GATA4: variants seen among roughly 807,000 people sequenced by gnomAD.
The protein encoded by GATA4 is transcription factor GATA-4.
Under a neutral mutation model 37.9 loss-of-function variants are expected in GATA4, and 7 were observed. That is an observed-to-expected ratio of 0.18 (90% CI 0.11 to 0.35). The LOEUF (loss-of-function observed/expected upper bound fraction) is 0.35, where lower values mean the gene tolerates loss of function less well. Ranked by LOEUF, GATA4 falls within the 10% of genes least tolerant of loss-of-function variation. GATA4 has a pLI of 1.00. For synonymous variants in GATA4, 372 were observed against 292.6 expected (o/e 1.27, Z -2.77); for missense variants, 647 against 653.0 (o/e 0.99, Z 0.10).
intron 4 of GATA4, among the ~76,000 whole-genome samples, chr8:11,753,037 C>G (rs60599286): frequency 0.028 from 4,206 of 152,192 alleles, 179 homozygotes; most frequent in African/African-American, 0.096. Context: ...ACCACATGAT[C>G]CAGCGTACCA....
chr8:11,700,112 C>A (rs940395496), upstream of GATA4, among the ~76,000 whole-genome samples: 1 of 152,188 alleles, frequency 6.6e-6, no homozygotes, highest in African/African-American at 2.4e-5. Flanking sequence ...TTCCCTTCCT[C>A]TTGCTAATGA....
intron 2 of GATA4, among the ~76,000 whole-genome samples, chr8:11,747,395 G>A (rs554013670): frequency 2.0e-5 from 3 of 152,292 alleles, no homozygotes; most frequent in Admixed American, 6.5e-5. Flanking sequence ...AGGGGTGAGC[G>A]AGTGAAGGGA....
intron 2 of GATA4, among the ~76,000 whole-genome samples, chr8:11,717,286 G>T (rs1800475630): frequency 2.6e-5 from 4 of 152,158 alleles, no homozygotes; most frequent in Non-Finnish European, 1.5e-5. Context: ...ATAAGTTTTG[G>T]CACATTCACG....
chr8:11,688,971 A>G (rs1369093888), upstream of GATA4, among the ~76,000 whole-genome samples: 1 of 152,240 alleles, frequency 6.6e-6, no homozygotes, highest in African/African-American at 2.4e-5. Flanking sequence ...CTCATGTGTT[A>G]TTCAGAAAGG....
rs547370310 is a variant in GATA4, at chr8:11,745,626, G to GA, written c.617-3282dup. On this transcript the variant is annotated intron_variant, in intron 2 of 6. Coordinates refer to ENST00000532059, the MANE Select transcript of GATA4 (RefSeq NM_001308093.3). ...TTACATCAGTGTAGTGTGGGAAAAA[G>GA]AAAAAAAAGACTCCATTCCTGCATA... is the stretch of plus-strand genomic sequence containing the variant. Among the ~76,000 whole-genome samples the GA allele has an allele frequency of 2.7e-5, 4 of 149,536 alleles. No homozygotes were observed. In the South Asian group the frequency reaches 6.7e-4, roughly 25 times the overall value.
At chr8:11,727,340 C>T (rs1041983177) in intron 2 of GATA4, among the ~76,000 whole-genome samples, 3 of 152,078 alleles carry the variant, frequency 2.0e-5, no homozygotes, top group Admixed American at 2.0e-4. Context: ...AGAATGGACC[C>T]GCCTGCTGGG....
intron 2 of GATA4, among the ~76,000 whole-genome samples, chr8:11,735,255 T>C (rs892358539): frequency 4.6e-5 from 7 of 152,248 alleles, no homozygotes; most frequent in African/African-American, 1.7e-4. Flanking sequence ...CATGTAAATC[T>C]TTAAAATTGC....
chr8:11,721,195 C>A (rs1458761580), intron 2 of GATA4, among the ~76,000 whole-genome samples: 2 of 151,044 alleles, frequency 1.3e-5, no homozygotes, highest in African/African-American at 4.9e-5. Flanking sequence ...CTGGCCTGGG[C>A]GCCTGAAGTC....
At chr8:11,741,281 C>T (rs1429612865) in intron 2 of GATA4, among the ~76,000 whole-genome samples, 1 of 152,036 alleles carries the variant, frequency 6.6e-6, no homozygotes, top group Non-Finnish European at 1.5e-5. Context: ...AGTTCAAGAT[C>T]AGCCTGGGCA....
chr8:11,697,216 C>T (rs971805350), intron 1 of GATA4, among the ~76,000 whole-genome samples: 2 of 152,354 alleles, frequency 1.3e-5, no homozygotes, highest in African/African-American at 4.8e-5. Flanking sequence ...AGAAGTCCCA[C>T]TCTAACCGGA....
At chr8:11,680,070 G>A (rs1355010337) in intron 1 of GATA4, among the ~76,000 whole-genome samples, 1 of 152,194 alleles carries the variant, frequency 6.6e-6, no homozygotes, top group Non-Finnish European at 1.5e-5. Context: ...AGTTGCTAAA[G>A]GACTTCCCGC....
At chr8:11,713,656 AAAG>A (rs1282219137) in intron 2 of GATA4, among the ~76,000 whole-genome samples, 2 of 152,212 alleles carry the variant, frequency 1.3e-5, no homozygotes, top group Non-Finnish European at 2.9e-5. Context: ...AAAAGAAAAA[AAAG>A]ACCATGACCT....
intron 1 of GATA4, among the ~76,000 whole-genome samples, chr8:11,697,135 CTCT>C (rs1462815168): frequency 1.3e-5 from 2 of 152,224 alleles, no homozygotes; most frequent in African/African-American, 4.8e-5. Flanking sequence ...TGGATTTTCT[CTCT>C]TCACTTCCTT....
chr8:11,678,729 C>T (rs139333471), intron 1 of GATA4, among the ~76,000 whole-genome samples: 2 of 152,230 alleles, frequency 1.3e-5, no homozygotes, highest in Admixed American at 1.3e-4. Flanking sequence ...ATAAATCGGT[C>T]TACAGTAAAG....
At chr8:11,685,359 T>C (rs1799103470) in intron 1 of GATA4, among the ~76,000 whole-genome samples, 1 of 152,246 alleles carries the variant, frequency 6.6e-6, no homozygotes, top group Admixed American at 6.5e-5. Context: ...CGTTATACTT[T>C]TCTGTATTTC....
At chr8:11,680,954 C>T (rs1450520945) in intron 1 of GATA4, 2 of 984,860 alleles carry the variant, frequency 2.0e-6, no homozygotes, top group African/African-American at 3.5e-5. Flanking sequence ...CTGTGTCCCC[C>T]AGGTTAGGCT....
intron 2 of GATA4, among the ~76,000 whole-genome samples, chr8:11,726,607 A>G (rs966376202): frequency 2.0e-5 from 3 of 152,078 alleles, no homozygotes; most frequent in Admixed American, 2.0e-4. Context: ...AGAGCAGGAG[A>G]GAGCCCCCAG....
At chr8:11,746,140 G>T (rs1311725767) in intron 2 of GATA4, among the ~76,000 whole-genome samples, 2 of 151,866 alleles carry the variant, frequency 1.3e-5, no homozygotes, top group Admixed American at 6.6e-5. Context: ...GGATGGTAGC[G>T]TGTGCCTGTG....
chr8:11,681,844 G>A (rs1427841789), intron 1 of GATA4, among the ~76,000 whole-genome samples: 3 of 152,138 alleles, frequency 2.0e-5, no homozygotes, highest in Admixed American at 1.3e-4. Flanking sequence ...CCCGGCTGAT[G>A]TAAGGACTGC....
Sources: gnomAD v4.1 joint callset for allele counts (sites outside exome capture counted in the v4.1 genomes callset) on GRCh38, gnomAD v4.1.1 for gene constraint, MANE v1.5 for transcripts, NCBI Gene and HGNC (gene_info 2026-07-23, HGNC 2026-07-21) for gene names.